The following PCSK5 variants were observed in gnomAD, a reference collection of about 807,000 sequenced individuals.
PCSK5 encodes the protein proprotein convertase subtilisin/kexin type 5.
In PCSK5, 129 loss-of-function variants were observed where a neutral mutation model predicts 233.2. That is an observed-to-expected ratio of 0.55 (90% CI 0.48 to 0.64). PCSK5 has a LOEUF of 0.64. Among genes scored for constraint, PCSK5 ranks in the 30% least tolerant of loss-of-function variants. PCSK5 has a pLI of 0.00. For missense variants in PCSK5, 2,076 were observed against 2,430.1 expected, an observed-to-expected ratio of 0.85 and a Z score of 3.06; for synonymous variants, 825 against 879.2, an observed-to-expected ratio of 0.94 and a Z score of 1.09.
Position 76,037,476 on chromosome 9 carries a change from TG to T in PCSK5, c.632+10440del, listed in dbSNP as rs1828912920. ...CAGATGTTGTTAATATTATTACAGG[TG>T]ACAGTAAGTAAAGATAAGGTTTTAG... On this transcript the variant is annotated intron_variant, in intron 5 of 37. Coordinates refer to ENST00000674117, the MANE Select transcript of PCSK5 (RefSeq NM_001372043.1). Among the ~76,000 whole-genome samples, 5 of 152,288 alleles carry T rather than the reference TG, an allele frequency of 3.3e-5. No homozygotes were observed. The South Asian group carries it at 8.3e-4, about 25-fold the overall frequency.
At chr9:76,051,549 A>T (rs765989955) in intron 5 of PCSK5, among the ~76,000 whole-genome samples, 1 of 151,888 alleles carries the variant, frequency 6.6e-6, no homozygotes, top group South Asian at 2.1e-4. Context: ...TTATATTTTT[A>T]TTTTCTGATA....
Position 76,328,076 on chromosome 9 carries a change from C to G in PCSK5, c.4407C>G (p.Ile1469Met). The G allele has an allele frequency of 6.2e-7, 1 of 1,612,890 alleles. No homozygotes were observed. The highest frequency in any genetic ancestry group is 1.7e-5 in the Admixed American group (1 of 60,030). Reference protein sequence around the residue: ...GTCTTCQKGLIMNPRGSCMAN... With the variant: ...GTCTTCQKGLMMNPRGSCMAN... ...GCACCACCTGTCAGAAAGGCCTGAT[C>G]ATGAACCCTCGTGGGAGCTGCATGG... Residue 1469 changes from isoleucine (I) to methionine (M), a missense_variant, in exon 33 of 38, where the codon ATC (isoleucine) becomes ATG (methionine). Physicochemically the swap from Ile to Met is conservative, Grantham distance 10. This residue lies in a region of PCSK5 where 1,510 missense variants were observed against 1,538.1 expected (regional missense o/e 0.98). Coordinates refer to ENST00000674117, the MANE Select transcript of PCSK5 (RefSeq NM_001372043.1).
rs118069479 is a variant in PCSK5, at chr9:76,292,235, G to T, written c.3145G>T (p.Asp1049Tyr). The part of the protein sequence containing the change: ...EEGCLGCSLD[D>Y]PGTCTSCAMG... ...TTTTTATTATTTTTTTTTTCCAGAT[G>T]ATCCAGGAACATGTACATCTTGCGC... Residue 1049 changes from aspartate (D) to tyrosine (Y), a missense_variant and splice_region_variant, in exon 25 of 38, where the codon GAT (aspartate) becomes TAT (tyrosine). Coordinates refer to ENST00000674117, the MANE Select transcript of PCSK5 (RefSeq NM_001372043.1). The T allele has an allele frequency of 3.2e-5, 49 of 1,541,876 alleles. No individual in the cohort carries two copies. Among genetic ancestry groups the T allele is most frequent in the Non-Finnish European group, 2.4e-5 (27 of 1,119,832 alleles).
At chr9:76,320,666 G>A (rs1587324080) in intron 30 of PCSK5, among the ~76,000 whole-genome samples, 1 of 150,106 alleles carries the variant, frequency 6.7e-6, no homozygotes, top group African/African-American at 2.4e-5. Flanking sequence ...TAGAGACTGG[G>A]TTTTGCCATG....
intron 2 of PCSK5, among the ~76,000 whole-genome samples, chr9:75,971,268 CT>C (rs1411214763): frequency 6.6e-6 from 1 of 152,084 alleles, no homozygotes; most frequent in African/African-American, 2.4e-5. Flanking sequence ...TGATTTTGTT[CT>C]TTTTTATGGC....
In PCSK5 at chr9:76,071,775, A is replaced by C; in HGVS notation, c.771A>C (p.Ser257=). ...GDVTDMVEAK[S]VSFNPQHVHI... is the part of the protein sequence containing the mutation. ...TCACGGACATGGTTGAAGCAAAATC[A>C]GTTAGCTTCAACCCCCAGCACGTGC... Residue 257 remains serine (S), a synonymous_variant, in exon 7 of 38, where the codon TCA becomes TCC. Transcript: ENST00000674117. 1 of 1,614,178 alleles carries C rather than the reference A, an allele frequency of 6.2e-7. No homozygotes were observed. Among genetic ancestry groups the C allele is most frequent in the Non-Finnish European group, 8.5e-7 (1 of 1,180,018 alleles).
At chr9:76,290,668 A>C (rs1177368233) in intron 24 of PCSK5, among the ~76,000 whole-genome samples, 2 of 152,236 alleles carry the variant, frequency 1.3e-5, no homozygotes, top group African/African-American at 4.8e-5. Context: ...AGCAAAGATG[A>C]GCATGACCAA....
At chr9:76,175,292 G>A (rs913528427) in intron 14 of PCSK5, 163 bp downstream of exon 14, 35 of 357,674 alleles carry the variant, frequency 9.8e-5, no homozygotes, top group African/African-American at 7.8e-4. Flanking sequence ...GAATCGAATC[G>A]AATAGAATAG....
intron 27 of PCSK5, 122 bp from the exon 28 acceptor site, chr9:76,302,015 C>A: frequency 2.6e-6 from 1 of 391,414 alleles, no homozygotes; most frequent in South Asian, 2.0e-5. Flanking sequence ...GAAGATGAGA[C>A]ATCCATGTAC....
chr9:76,213,950 A>T (rs919121100), intron 20 of PCSK5, among the ~76,000 whole-genome samples: 1 of 152,132 alleles, frequency 6.6e-6, no homozygotes, highest in Admixed American at 6.6e-5. Flanking sequence ...TTGCAGTTCA[A>T]CAAACAAAAA....
chr9:76,289,081 CAG>C (rs1219907720), intron 24 of PCSK5, among the ~76,000 whole-genome samples: 1 of 152,140 alleles, frequency 6.6e-6, no homozygotes, highest in African/African-American at 2.4e-5. Flanking sequence ...GAAGGTGACA[CAG>C]GGGATCATGA....
intron 9 of PCSK5, among the ~76,000 whole-genome samples, chr9:76,107,794 G>A (rs781242573): frequency 1.2e-4 from 19 of 152,142 alleles, no homozygotes; most frequent in Admixed American, 3.9e-4. Flanking sequence ...TGCCAGGGAC[G>A]AGGACAACCC....
chr9:76,158,746 G>A (rs990520034), intron 11 of PCSK5, among the ~76,000 whole-genome samples: 1 of 152,164 alleles, frequency 6.6e-6, no homozygotes. Context: ...CTCAGTTTGA[G>A]ATCTATTACC....
At chr9:76,318,931 T>C in intron 30 of PCSK5, among the ~76,000 whole-genome samples, 1 of 152,192 alleles carries the variant, frequency 6.6e-6, no homozygotes. Context: ...AAAGAGAAGA[T>C]GACTAAACTA....
chr9:76,328,385 C>G, intron 33 of PCSK5, 146 bp downstream of exon 33: 2 of 653,668 alleles, frequency 3.1e-6, no homozygotes, highest in Non-Finnish European at 5.4e-6. Context: ...AGAAAAGATG[C>G]AAGAGTAAGA....
intron 5 of PCSK5, among the ~76,000 whole-genome samples, chr9:76,052,480 A>G (rs1190033820): frequency 6.6e-6 from 1 of 152,164 alleles, no homozygotes; most frequent in Non-Finnish European, 1.5e-5. Flanking sequence ...TGCTCTTTAT[A>G]AAACCATCAC....
At chr9:76,019,515 A>G (rs1828090810) in intron 3 of PCSK5, among the ~76,000 whole-genome samples, 1 of 152,214 alleles carries the variant, frequency 6.6e-6, no homozygotes, top group Admixed American at 6.5e-5. Flanking sequence ...TTGGCAGTTC[A>G]TTGGAGACCC....
intron 9 of PCSK5, among the ~76,000 whole-genome samples, chr9:76,123,951 C>T (rs72618109): frequency 0.021 from 34 of 1,584 alleles, no homozygotes; most frequent in African/African-American, 0.14. Flanking sequence ...TTTAGGATTT[C>T]TTTTTTCATT....
intron 2 of PCSK5, among the ~76,000 whole-genome samples, chr9:75,949,907 A>G (rs780314725): frequency 1.7e-4 from 26 of 152,208 alleles, no homozygotes; most frequent in Non-Finnish European, 3.1e-4. Context: ...GCAGTGCATA[A>G]TAATCACATC....
Sources: allele counts gnomAD v4.1 joint callset (sites outside exome capture counted in the v4.1 genomes callset), GRCh38; gene constraint gnomAD v4.1.1; regional missense constraint gnomAD v4.1.1; transcripts MANE v1.5; gene names NCBI Gene and HGNC (gene_info 2026-07-23, HGNC 2026-07-21).